The following SLC13A1 variants were observed in gnomAD, a reference collection of about 807,000 sequenced individuals.
SLC13A1 encodes solute carrier family 13 member 1, also known as Na(+)/sulfate cotransporter.
In SLC13A1, 65 loss-of-function variants were observed where a neutral mutation model predicts 70.0. The observed-to-expected ratio is 0.93, with a 90% CI of 0.76 to 1.14. The LOEUF (loss-of-function observed/expected upper bound fraction) is 1.14. Ranked by LOEUF, SLC13A1 falls within the 50% of genes most tolerant of loss-of-function variation. The pLI is 0.00. For missense variants in SLC13A1, 726 were observed against 717.8 expected, an observed-to-expected ratio of 1.01 and a Z score of -0.13; for synonymous variants, 275 against 250.5, an observed-to-expected ratio of 1.10 and a Z score of -0.92.
In SLC13A1 at chr7:123,129,338, G is replaced by C. The variant is rs142976106; in HGVS notation, c.1031+45C>G. On this transcript the variant is annotated intron_variant, in intron 9 of 14. Transcript: ENST00000194130. ...TTCTCTCTTCTCTGTGTGTGTGTGT[G>C]TGTGTGTGTGTGTGTGTGTGTGTGT... 7.9e-3 allele frequency: 1,999 copies of C among 253,090 alleles called. 16 individuals carry two copies. Among genetic ancestry groups the C allele is most frequent in the Non-Finnish European group, 0.011 (1,588 of 148,694 alleles). 15.7% of individuals were successfully genotyped at this position (253,090 alleles called of 1,614,324 possible). A position where few individuals can be genotyped will look rare whatever the true frequency, so the allele number is the denominator to read the frequency against.
intron 6 of SLC13A1, chr7:123,149,705 C>G: frequency 2.3e-6 from 1 of 436,526 alleles, no homozygotes; most frequent in South Asian, 1.6e-5. Flanking sequence ...TTTTACCATC[C>G]TGGTTATCAA....
chr7:123,162,250 A>G (rs1794939895), intron 6 of SLC13A1, among the ~76,000 whole-genome samples: 1 of 152,136 alleles, frequency 6.6e-6, no homozygotes, highest in Non-Finnish European at 1.5e-5. Context: ...TTCATAAAAT[A>G]AAGATATATG....
At chr7:123,124,216 G>T (rs1793482228) in intron 11 of SLC13A1, among the ~76,000 whole-genome samples, 1 of 152,116 alleles carries the variant, frequency 6.6e-6, no homozygotes, top group Non-Finnish European at 1.5e-5. Context: ...CTCTTTCTAA[G>T]GGAGGGAATT....
At chr7:123,138,027 A>G (rs1353688306) in intron 7 of SLC13A1, among the ~76,000 whole-genome samples, 4 of 151,972 alleles carry the variant, frequency 2.6e-5, no homozygotes, top group Admixed American at 2.6e-4. Context: ...CTTTCTGCCA[A>G]TTTTGTACCC....
chr7:123,153,005 T>C (rs1794603821), intron 6 of SLC13A1, among the ~76,000 whole-genome samples: 1 of 152,076 alleles, frequency 6.6e-6, no homozygotes, highest in Non-Finnish European at 1.5e-5. Context: ...ATAATAAGAA[T>C]GGAAACTTAA....
intron 6 of SLC13A1, among the ~76,000 whole-genome samples, chr7:123,153,161 CAAA>C (rs1361452023): frequency 2.0e-5 from 3 of 151,812 alleles, no homozygotes; most frequent in African/African-American, 7.3e-5. Context: ...TGATATAAAA[CAAA>C]AAAATCAAAA....
chr7:123,185,590 G>C (rs1422331571), intron 1 of SLC13A1, among the ~76,000 whole-genome samples: 1 of 152,040 alleles, frequency 6.6e-6, no homozygotes, highest in Non-Finnish European at 1.5e-5. Context: ...TCAGTTGGCT[G>C]TAAATGTAGA....
intron 11 of SLC13A1, 84 bp downstream of exon 11, chr7:123,125,485 C>T (rs1317476072): frequency 3.1e-6 from 3 of 953,258 alleles, no homozygotes; most frequent in Admixed American, 2.0e-5. Flanking sequence ...TTTCTTTCTG[C>T]TCTAGGTGCC....
intron 6 of SLC13A1, among the ~76,000 whole-genome samples, chr7:123,163,528 C>A (rs184393831): frequency 7.9e-5 from 12 of 152,182 alleles, no homozygotes; most frequent in Non-Finnish European, 1.6e-4. Flanking sequence ...ATCTTCAACA[C>A]TAACATCTAG....
At position 123,119,097 on chromosome 7, in the gene SLC13A1, G is replaced by T; in HGVS notation, c.1496C>A (p.Pro499Gln). Reference sequence around the variant, plus strand: ...GATACTCACCAATGGAGATAATATTGGGAGAAAGAGTGTAATGGTAGCTGG... The same window carrying T: ...GATACTCACCAATGGAGATAATATTTGGAGAAAGAGTGTAATGGTAGCTGG... ...SNPATITLFL[P>Q]ILSPLAEAIH... Residue 499 changes from proline (P) to glutamine (Q), a missense_variant, in exon 13 of 15, where the codon CCA becomes CAA. Transcript: ENST00000194130. The T allele has an allele frequency of 1.2e-6, 2 of 1,612,110 alleles. No homozygotes were observed. Among genetic ancestry groups the T allele is most frequent in the Non-Finnish European group, 8.5e-7 (1 of 1,178,878 alleles).
chr7:123,165,354 C>T (rs923507017), intron 6 of SLC13A1, among the ~76,000 whole-genome samples: 2 of 152,094 alleles, frequency 1.3e-5, no homozygotes, highest in Non-Finnish European at 2.9e-5. Context: ...CTTTCCTTTC[C>T]TAAACTCAGA....
At chr7:123,138,913 T>C (rs1459514895) in intron 7 of SLC13A1, among the ~76,000 whole-genome samples, 1 of 152,268 alleles carries the variant, frequency 6.6e-6, no homozygotes, top group East Asian at 1.9e-4. Context: ...AGAAGCTTAT[T>C]AACTTGATGT....
chr7:123,187,572 A>T (rs1411353557), intron 1 of SLC13A1, among the ~76,000 whole-genome samples: 1 of 152,156 alleles, frequency 6.6e-6, no homozygotes, highest in Non-Finnish European at 1.5e-5. Context: ...ACTGTCTAGA[A>T]TGTGGTTTGT....
chr7:123,169,597 A>G (rs1206089341), intron 3 of SLC13A1, among the ~76,000 whole-genome samples: 1 of 152,192 alleles, frequency 6.6e-6, no homozygotes, highest in Non-Finnish European at 1.5e-5. Context: ...AGAAACAGAA[A>G]AATGATTAAA....
intron 6 of SLC13A1, among the ~76,000 whole-genome samples, chr7:123,154,239 A>G (rs1207175404): frequency 6.6e-6 from 1 of 152,100 alleles, no homozygotes; most frequent in Non-Finnish European, 1.5e-5. Flanking sequence ...GTTCCATTTC[A>G]TACTGCTTTT....
chr7:123,193,124 T>C (rs1209870008), intron 1 of SLC13A1, among the ~76,000 whole-genome samples: 1 of 152,142 alleles, frequency 6.6e-6, no homozygotes, highest in African/African-American at 2.4e-5. Flanking sequence ...ACACATTTGG[T>C]TATGATCAAA....
Position 123,123,166 on chromosome 7 carries a change from A to G in SLC13A1, c.1310T>C (p.Ile437Thr). Residue 437 changes from isoleucine to threonine, a missense_variant, in exon 12 of 15, where the codon ATT (isoleucine) becomes ACT (threonine). Ile to Thr is a moderately conservative substitution (Grantham distance 89). Coordinates refer to ENST00000194130, the MANE Select transcript of SLC13A1 (RefSeq NM_022444.4). Reference sequence around the variant, plus strand: ...CAGGGCAAACCCTCCACCAACAAGAATGGCTATATCCCAGGGCATGAATGA... The same window carrying G: ...CAGGGCAAACCCTCCACCAACAAGAGTGGCTATATCCCAGGGCATGAATGA... ...FQSFMPWDIA[I>T]LVGGGFALAD... is the part of the protein sequence containing the mutation. 1.2e-6 allele frequency: 2 copies of G among 1,613,622 alleles called. No homozygotes were observed. Among genetic ancestry groups the G allele is most frequent in the Admixed American group, 1.7e-5 (1 of 59,962 alleles).
intron 14 of SLC13A1, among the ~76,000 whole-genome samples, chr7:123,116,319 A>G (rs971021245): frequency 6.6e-6 from 1 of 152,240 alleles, no homozygotes; most frequent in South Asian, 2.1e-4. Flanking sequence ...TGTTTTGGTA[A>G]ATAAAGTTTT....
In SLC13A1 at chr7:123,195,552, T is replaced by C. The variant is rs543572084; in HGVS notation, c.99+4296A>G. On this transcript the variant is annotated intron_variant, in intron 1 of 14. Coordinates refer to ENST00000194130, the MANE Select transcript of SLC13A1 (RefSeq NM_022444.4). ...GGGATACTTCACTTTTTAAAGTTTA[T>C]ATTTCCTTACAATCATTATATTTCT... Among the ~76,000 whole-genome samples, 14 of 152,164 alleles carry C rather than the reference T, an allele frequency of 9.2e-5. No homozygotes were observed. In the South Asian group the frequency reaches 2.7e-3, roughly 29 times the overall value.
Sources: gnomAD v4.1 joint callset for allele counts (sites outside exome capture counted in the v4.1 genomes callset) on GRCh38, gnomAD v4.1.1 for gene constraint, MANE v1.5 for transcripts, NCBI Gene and HGNC (gene_info 2026-07-23, HGNC 2026-07-21) for gene names.